PHF2: variants seen among roughly 807,000 people sequenced by gnomAD.
The protein encoded by PHF2 is lysine-specific demethylase PHF2.
A neutral mutation model predicts 120.5 loss-of-function variants in PHF2; 27 were observed. That is an observed-to-expected ratio of 0.22 (90% CI 0.17 to 0.31). The LOEUF is 0.31. Among genes scored for constraint, PHF2 ranks in the 10% least tolerant of loss-of-function variants. The pLI, the probability that PHF2 is intolerant of heterozygous loss-of-function variation, is 1.00. For missense variants in PHF2, 1,024 were observed against 1,434.8 expected (o/e 0.71, Z 4.63); for synonymous variants, 568 against 592.5 (o/e 0.96, Z 0.60).
At chr9:93,618,796 A>ATGTGTGGTGTG (rs1825770095) in intron 1 of PHF2, among the ~76,000 whole-genome samples, 1 of 36,062 alleles carries the variant, frequency 2.8e-5, no homozygotes, top group Admixed American at 2.9e-4. Flanking sequence ...GTATCTGTGT[A>ATGTGTGGTGTG]TTTCTGTGTA....
intron 3 of PHF2, among the ~76,000 whole-genome samples, chr9:93,639,066 G>T (rs953144309): frequency 1.3e-5 from 2 of 152,120 alleles, no homozygotes; most frequent in Non-Finnish European, 2.9e-5. Flanking sequence ...TAGGTCCCTT[G>T]TATGTCATTT....
chr9:93,587,054 G>A (rs1863059195), intron 1 of PHF2, among the ~76,000 whole-genome samples: 1 of 152,254 alleles, frequency 6.6e-6, no homozygotes, highest in South Asian at 2.1e-4. Flanking sequence ...ATGAGGACAA[G>A]GCACAACATT....
chr9:93,640,158 G>A (rs115895883), intron 3 of PHF2, among the ~76,000 whole-genome samples: 2,050 of 152,174 alleles, frequency 0.013, 53 homozygotes, highest in African/African-American at 0.046. Context: ...ATATGCCTAG[G>A]TGCAGAATTT....
intron 1 of PHF2, among the ~76,000 whole-genome samples, chr9:93,606,923 TGTC>T (rs1825552129): frequency 6.6e-6 from 1 of 152,248 alleles, no homozygotes; most frequent in South Asian, 2.1e-4. Context: ...TGCATTTGGA[TGTC>T]TGTTAGAGCA....
At chr9:93,632,774 G>T (rs1368027714) in intron 2 of PHF2, among the ~76,000 whole-genome samples, 1 of 152,220 alleles carries the variant, frequency 6.6e-6, no homozygotes, top group Non-Finnish European at 1.5e-5. Context: ...GTATGTGTGT[G>T]CATGCACACA....
intron 1 of PHF2, among the ~76,000 whole-genome samples, chr9:93,608,792 C>T (rs1321838277): frequency 6.6e-6 from 1 of 152,044 alleles, no homozygotes; most frequent in Non-Finnish European, 1.5e-5. Flanking sequence ...TGTTAGACAA[C>T]ATAGTTGGTC....
At chr9:93,607,559 A>G (rs930527174) in intron 1 of PHF2, among the ~76,000 whole-genome samples, 1 of 150,524 alleles carries the variant, frequency 6.6e-6, no homozygotes, top group East Asian at 2.0e-4. Flanking sequence ...TTGGGATTAC[A>G]GGTGTGAGCC....
At chr9:93,623,721 C>G (rs1215501192) in intron 1 of PHF2, among the ~76,000 whole-genome samples, 1 of 152,186 alleles carries the variant, frequency 6.6e-6, no homozygotes, top group African/African-American at 2.4e-5. Flanking sequence ...GATGGCTTTT[C>G]TTTTACACTT....
chr9:93,589,139 C>T (rs1306988737), intron 1 of PHF2, among the ~76,000 whole-genome samples: 1 of 152,184 alleles, frequency 6.6e-6, no homozygotes, highest in Non-Finnish European at 1.5e-5. Context: ...GTCTCTTTCT[C>T]TAGTTCCTTC....
chr9:93,633,648 G>A (rs1341659534), intron 2 of PHF2, among the ~76,000 whole-genome samples: 2 of 152,186 alleles, frequency 1.3e-5, no homozygotes, highest in African/African-American at 4.8e-5. Flanking sequence ...ACCTTGGCAC[G>A]GCCCCACGTC....
intron 17 of PHF2, among the ~76,000 whole-genome samples, chr9:93,671,537 G>C (rs1284140469): frequency 7.6e-6 from 1 of 131,482 alleles, no homozygotes; most frequent in Admixed American, 7.5e-5. Context: ...TACAGGTGTA[G>C]ATGCAGATGT....
In PHF2 at chr9:93,675,242, C is replaced by A. The variant is rs572951548; in HGVS notation, c.2722+220C>A. 2.6e-5 allele frequency among the ~76,000 whole-genome samples: 4 copies of A among 152,324 alleles called. No individual in the cohort carries two copies. In the East Asian group the frequency reaches 7.7e-4, roughly 29 times the overall value. On this transcript the variant is annotated intron_variant, in intron 19 of 21. Coordinates refer to ENST00000359246, the MANE Select transcript of PHF2 (RefSeq NM_005392.4). ...CTGGGGGCCTGGGAGCCCAGATGTGCTTCTACACAGCCCCAACTCAAAAGC... is the reference window on the plus strand; with the variant it reads ...CTGGGGGCCTGGGAGCCCAGATGTGATTCTACACAGCCCCAACTCAAAAGC...
intron 2 of PHF2, among the ~76,000 whole-genome samples, chr9:93,635,792 C>T (rs527592787): frequency 4.6e-5 from 7 of 152,176 alleles, no homozygotes; most frequent in Non-Finnish European, 8.8e-5. Context: ...GTGTGTACCT[C>T]GTGCCCCAGG....
At chr9:93,620,674 A>G (rs371084747) in intron 1 of PHF2, among the ~76,000 whole-genome samples, 12 of 152,364 alleles carry the variant, frequency 7.9e-5, no homozygotes, top group African/African-American at 2.6e-4. Flanking sequence ...GTCATCTGCT[A>G]ACATGGCCTT....
chr9:93,633,903 T>G (rs2398848), intron 2 of PHF2, among the ~76,000 whole-genome samples: 55,893 of 151,886 alleles, frequency 0.37, 10,624 homozygotes, highest in Non-Finnish European at 0.39. Flanking sequence ...TTTGATCTCC[T>G]CAGCCAGCCC....
chr9:93,653,435 C>A (rs970990433), intron 6 of PHF2, 70 bp downstream of exon 6: 2 of 1,492,532 alleles, frequency 1.3e-6, no homozygotes, highest in Non-Finnish European at 1.8e-6. Context: ...TGTCTGCAGT[C>A]CCCACAAGCC....
intron 1 of PHF2, among the ~76,000 whole-genome samples, chr9:93,587,223 AT>A: frequency 6.8e-6 from 1 of 146,460 alleles, no homozygotes; most frequent in Admixed American, 6.7e-5. Context: ...CGGGTGAGGG[AT>A]GATGGAGGAG....
At chr9:93,668,932 G>T (rs1296737521) in intron 17 of PHF2, among the ~76,000 whole-genome samples, 1 of 152,218 alleles carries the variant, frequency 6.6e-6, no homozygotes, top group Non-Finnish European at 1.5e-5. Flanking sequence ...AGTATCGGCT[G>T]CTTGGAAAAA....
At chr9:93,668,347 C>T (rs772216416) in intron 17 of PHF2, among the ~76,000 whole-genome samples, 2 of 152,194 alleles carry the variant, frequency 1.3e-5, no homozygotes, top group African/African-American at 2.4e-5. Context: ...TCCTCCCTGT[C>T]GGAGGCTGTG....
Sources: gnomAD v4.1 joint callset for allele counts (sites outside exome capture counted in the v4.1 genomes callset) on GRCh38, gnomAD v4.1.1 for gene constraint, MANE v1.5 for transcripts, NCBI Gene and HGNC (gene_info 2026-07-23, HGNC 2026-07-21) for gene names.